The following UPP2 variants were observed in gnomAD, a reference collection of about 807,000 sequenced individuals.
UPP2 encodes the protein uridine phosphorylase 2.
UPP2 carries 23 observed loss-of-function variants against 26.7 expected under a neutral mutation model. The ratio of observed to expected loss-of-function variants is 0.86; its 90% CI spans 0.62 to 1.22. UPP2 has a LOEUF of 1.22. Ranked by LOEUF, UPP2 falls within the 50% of genes most tolerant of loss-of-function variation. The pLI, the probability that UPP2 is intolerant of heterozygous loss-of-function variation, is 0.00. For synonymous variants in UPP2, 127 were observed against 141.3 expected (o/e 0.90, Z 0.72); for missense variants, 387 against 396.7 (o/e 0.98, Z 0.21).
intron 3 of UPP2, among the ~76,000 whole-genome samples, chr2:158,030,527 G>A (rs927073314): frequency 4.6e-5 from 7 of 152,148 alleles, no homozygotes; most frequent in African/African-American, 1.7e-4. Context: ...GTTAAGGCTT[G>A]GAGAATAAAG....
intron 3 of UPP2, among the ~76,000 whole-genome samples, chr2:158,017,805 G>A (rs765022800): frequency 1.3e-5 from 2 of 152,130 alleles, no homozygotes; most frequent in Non-Finnish European, 2.9e-5. Context: ...ATTTCACTGG[G>A]TTGCAATTCT....
intron 2 of UPP2, among the ~76,000 whole-genome samples, chr2:157,998,945 G>A (rs1683364408): frequency 6.6e-6 from 1 of 152,060 alleles, no homozygotes; most frequent in Admixed American, 6.5e-5. Flanking sequence ...TCATCTTGGA[G>A]ACCACATTTA....
chr2:158,015,077 T>C (rs1216637557), intron 2 of UPP2, among the ~76,000 whole-genome samples: 1 of 152,224 alleles, frequency 6.6e-6, no homozygotes, highest in African/African-American at 2.4e-5. Flanking sequence ...GATTTAAAAT[T>C]ATAATTAAAC....
At chr2:158,092,056 T>C (rs1300159724) in intron 3 of UPP2, among the ~76,000 whole-genome samples, 1 of 152,098 alleles carries the variant, frequency 6.6e-6, no homozygotes, top group Non-Finnish European at 1.5e-5. Context: ...AGAAGAAAGA[T>C]CTGAGAAAAT....
At chr2:158,127,462 GA>G (rs147991501) in intron 6 of UPP2, among the ~76,000 whole-genome samples, 149 of 145,496 alleles carry the variant, frequency 1.0e-3, no homozygotes, top group Non-Finnish European at 1.8e-3. Flanking sequence ...GTGAGTGAAT[GA>G]AAAAAAAAAG....
intron 6 of UPP2, among the ~76,000 whole-genome samples, chr2:158,134,167 T>G (rs1442912406): frequency 6.6e-6 from 1 of 152,244 alleles, no homozygotes; most frequent in Non-Finnish European, 1.5e-5. Flanking sequence ...CTTCTTACAT[T>G]TAAGCATTTC....
Position 157,995,859 on chromosome 2 carries a change from G to GT in UPP2, c.61+609dup, listed in dbSNP as rs560058122. ...TTTGGTCATTTAAATGATTTCCTGT[G>GT]TTTTTTTTTCTATGAAGTCCATTGT... On this transcript the variant is annotated intron_variant, in intron 2 of 9. Transcript: ENST00000605860. 3.4e-3 allele frequency among the ~76,000 whole-genome samples: 516 copies of GT among 149,956 alleles called. 1 individual carries two copies. Among genetic ancestry groups the GT allele is most frequent in the Middle Eastern group, 0.01 (3 of 288 alleles).
intron 3 of UPP2, among the ~76,000 whole-genome samples, chr2:158,096,555 C>T (rs1023759956): frequency 2.0e-5 from 3 of 152,080 alleles, no homozygotes; most frequent in African/African-American, 7.2e-5. Flanking sequence ...ACTGAGATTG[C>T]ACCACTGCAC....
At chr2:158,134,212 C>A (rs1235080060) in intron 6 of UPP2, among the ~76,000 whole-genome samples, 2 of 152,174 alleles carry the variant, frequency 1.3e-5, no homozygotes, top group African/African-American at 4.8e-5. Context: ...TTCATGAGAG[C>A]CAGTACTCAC....
In UPP2 at chr2:158,135,019, A is replaced by G. The variant is rs562999754; in HGVS notation, c.*129A>G. The G allele has an allele frequency of 4.5e-6, 5 of 1,118,270 alleles. No individual in the cohort carries two copies. Among genetic ancestry groups the G allele is most frequent in the Non-Finnish European group, 5.9e-6 (5 of 842,578 alleles). 69.3% of individuals were successfully genotyped at this position (1,118,270 alleles called of 1,614,324 possible). A position where few individuals can be genotyped will look rare whatever the true frequency, so the allele number is the denominator to read the frequency against. ...CATGCTAAATGGAAAGACTTTATGA[A>G]ATCCTTCTCTCTTAAAAAGGAATTT... is the stretch of plus-strand genomic sequence containing the variant. On this transcript the variant is annotated 3_prime_UTR_variant, in exon 7 of 7. Transcript: ENST00000005756.
intron 3 of UPP2, among the ~76,000 whole-genome samples, chr2:158,083,448 C>G (rs1682760444): frequency 6.6e-6 from 1 of 152,004 alleles, no homozygotes; most frequent in South Asian, 2.1e-4. Flanking sequence ...AGCAAACTAA[C>G]ACAAGAACAG....
intron 2 of UPP2, among the ~76,000 whole-genome samples, chr2:158,009,547 A>G (rs1683544341): frequency 6.6e-6 from 1 of 152,252 alleles, no homozygotes; most frequent in Non-Finnish European, 1.5e-5. Flanking sequence ...TAAGAACATA[A>G]TCTTCATGGA....
At chr2:158,133,554 A>G (rs1226975280) in intron 6 of UPP2, among the ~76,000 whole-genome samples, 1 of 152,218 alleles carries the variant, frequency 6.6e-6, no homozygotes, top group Non-Finnish European at 1.5e-5. Context: ...GAGATGATAG[A>G]TATGTGAATT....
upstream of UPP2, chr2:158,101,852 G>A: frequency 1.5e-6 from 2 of 1,338,806 alleles, no homozygotes. Context: ...TAAAAGTCAT[G>A]TCAGGGAGGA....
intron 2 of UPP2, among the ~76,000 whole-genome samples, chr2:158,001,839 A>G (rs775056440): frequency 3.9e-4 from 60 of 151,936 alleles, no homozygotes; most frequent in Non-Finnish European, 6.3e-4. Context: ...AAATACCTGG[A>G]CATTTGCAAC....
chr2:158,071,170 G>A (rs1002310898), intron 3 of UPP2, among the ~76,000 whole-genome samples: 4 of 152,230 alleles, frequency 2.6e-5, no homozygotes, highest in South Asian at 4.2e-4. Context: ...GGACTAGGGC[G>A]GCACGTGACC....
At chr2:158,037,599 G>T (rs1684023861) in intron 3 of UPP2, among the ~76,000 whole-genome samples, 1 of 152,068 alleles carries the variant, frequency 6.6e-6, no homozygotes, top group African/African-American at 2.4e-5. Context: ...GTCATGGCCA[G>T]CAGTCACAGG....
rs1478311352 is a variant in UPP2, at chr2:158,072,913, A to G, written c.148-29127A>G. On this transcript the variant is annotated intron_variant, in intron 3 of 9. Coordinates refer to the UPP2 transcript ENST00000605860. ...ACTACAATGAGTACCTAAATTTTCA[A>G]TGCCCAGGCACTGATGAACACCCCC... Among the ~76,000 whole-genome samples, 6 of 152,228 alleles carry G rather than the reference A, an allele frequency of 3.9e-5. 1 individual carries two copies. In the Middle Eastern group the frequency reaches 0.01, roughly 259 times the overall value.
chr2:158,033,662 C>T (rs753061017), intron 3 of UPP2, among the ~76,000 whole-genome samples: 3 of 152,174 alleles, frequency 2.0e-5, no homozygotes, highest in Admixed American at 6.5e-5. Flanking sequence ...GCAAGATCTA[C>T]CTGCAGGCAG....
Sources: allele counts gnomAD v4.1 joint callset (sites outside exome capture counted in the v4.1 genomes callset), GRCh38; gene constraint gnomAD v4.1.1; transcripts MANE v1.5; gene names NCBI Gene and HGNC (gene_info 2026-07-23, HGNC 2026-07-21).